The following PLEKHA7 variants were observed in gnomAD, a reference collection of about 807,000 sequenced individuals.
The protein encoded by PLEKHA7 is pleckstrin homology domain containing A7, also known as pleckstrin homology domain-containing family A member 7.
A neutral mutation model predicts 170.0 loss-of-function variants in PLEKHA7; 104 were observed. The ratio of observed to expected loss-of-function variants is 0.61; its 90% CI spans 0.52 to 0.72. The LOEUF (loss-of-function observed/expected upper bound fraction) is 0.72. Among genes scored for constraint, PLEKHA7 ranks in the 30% least tolerant of loss-of-function variants. The pLI, the probability that PLEKHA7 is intolerant of heterozygous loss-of-function variation, is 0.00. For missense variants in PLEKHA7, 1,615 were observed against 1,671.7 expected, an observed-to-expected ratio of 0.97 and a Z score of 0.59; for synonymous variants, 648 against 660.8, an observed-to-expected ratio of 0.98 and a Z score of 0.30.
chr11:16,983,613 T>C (rs960401824), intron 3 of PLEKHA7, among the ~76,000 whole-genome samples: 1 of 152,200 alleles, frequency 6.6e-6, no homozygotes, highest in African/African-American at 2.4e-5. Flanking sequence ...CTCCCCAGTC[T>C]AGATTTGTGG....
At chr11:16,861,040 C>G (rs956587372) in intron 4 of PLEKHA7, among the ~76,000 whole-genome samples, 3 of 152,224 alleles carry the variant, frequency 2.0e-5, no homozygotes, top group Non-Finnish European at 4.4e-5. Context: ...GAATTTAAAT[C>G]CCAGCTACAC....
intron 3 of PLEKHA7, among the ~76,000 whole-genome samples, chr11:16,914,419 C>T (rs1290079373): frequency 6.6e-6 from 1 of 152,232 alleles, no homozygotes; most frequent in Non-Finnish European, 1.5e-5. Flanking sequence ...CACTCAATCT[C>T]GTACTTGGCA....
At chr11:16,921,302 C>G (rs1472980855) in intron 3 of PLEKHA7, among the ~76,000 whole-genome samples, 8 of 152,142 alleles carry the variant, frequency 5.3e-5, no homozygotes, top group Admixed American at 4.6e-4. Flanking sequence ...CTAGCAACCT[C>G]TTTCTTAAAA....
chr11:16,906,948 G>A (rs1174562721), intron 3 of PLEKHA7, among the ~76,000 whole-genome samples: 1 of 149,540 alleles, frequency 6.7e-6, no homozygotes, highest in Non-Finnish European at 1.5e-5. Context: ...CCCCGTCTGG[G>A]ATGTGAGGAG....
chr11:16,814,786 T>A (rs922575547), intron 12 of PLEKHA7, among the ~76,000 whole-genome samples: 1 of 152,110 alleles, frequency 6.6e-6, no homozygotes, highest in African/African-American at 2.4e-5. Context: ...CAGGGCACCA[T>A]CCAGATAAGA....
chr11:16,810,283 T>C (rs1350542605), intron 13 of PLEKHA7, among the ~76,000 whole-genome samples: 1 of 152,216 alleles, frequency 6.6e-6, no homozygotes, highest in East Asian at 1.9e-4. Flanking sequence ...CCTTCCTTCA[T>C]CTGGATCTTG....
At chr11:16,857,632 T>G (rs557070079) in intron 4 of PLEKHA7, among the ~76,000 whole-genome samples, 167 of 152,384 alleles carry the variant, frequency 1.1e-3, no homozygotes, top group African/African-American at 4.0e-3. Flanking sequence ...GCTCTCAGGT[T>G]GCTTCAGTTA....
chr11:16,785,709 C>G (rs1849349664), intron 24 of PLEKHA7, among the ~76,000 whole-genome samples: 2 of 152,112 alleles, frequency 1.3e-5, no homozygotes, highest in Non-Finnish European at 2.9e-5. Flanking sequence ...CAGAGGGCAC[C>G]AGAAGAATTC....
chr11:16,991,572 G>A (rs575604935), intron 3 of PLEKHA7, among the ~76,000 whole-genome samples: 32 of 152,158 alleles, frequency 2.1e-4, no homozygotes. Context: ...CCAGACAGAG[G>A]GGACAGCAGT....
chr11:16,865,476 C>A (rs542786588), intron 4 of PLEKHA7, among the ~76,000 whole-genome samples: 1 of 152,166 alleles, frequency 6.6e-6, no homozygotes, highest in Non-Finnish European at 1.5e-5. Context: ...ATAATCCCAG[C>A]GCTTTGGGAG....
At chr11:16,992,372 G>A (rs916753608) in intron 3 of PLEKHA7, among the ~76,000 whole-genome samples, 1 of 152,208 alleles carries the variant, frequency 6.6e-6, no homozygotes, top group Non-Finnish European at 1.5e-5. Context: ...ACTACCTCCT[G>A]TCTGTGGTCT....
In PLEKHA7 at chr11:16,826,282, T is replaced by A; in HGVS notation, c.1181A>T (p.Asn394Ile). 1 of 1,614,244 alleles carries A rather than the reference T, an allele frequency of 6.2e-7. No individual in the cohort carries two copies. Among genetic ancestry groups the A allele is most frequent in the South Asian group, 1.1e-5 (1 of 91,088 alleles). ...QQAQPQRAEK[N>I]GMLPASYGPG... ...GCCATATGAGGCAGGCAGCATTCCA[T>A]TCTTCTCTGCCCGTTGGGGCTGTGC... The change falls in exon 10 of 27, where the codon AAT becomes ATT. Residue 394 changes from asparagine to isoleucine, a missense_variant. Physicochemically the swap from Asn to Ile is moderately radical, Grantham distance 149. Transcript: ENST00000531066.
At chr11:16,906,285 AAG>A (rs1236746567) in intron 3 of PLEKHA7, among the ~76,000 whole-genome samples, 1 of 111,236 alleles carries the variant, frequency 9.0e-6, no homozygotes, top group East Asian at 2.2e-4. Flanking sequence ...GAAGGAAAGA[AAG>A]AAAATTGGAA....
chr11:16,847,703 G>C (rs1023995633), intron 8 of PLEKHA7, among the ~76,000 whole-genome samples: 3 of 152,026 alleles, frequency 2.0e-5, no homozygotes, highest in African/African-American at 7.2e-5. Flanking sequence ...TTAGCTGGGC[G>C]CAGTGGCAGG....
chr11:16,951,354 CGAT>C (rs546242016), intron 3 of PLEKHA7, among the ~76,000 whole-genome samples: 1 of 150,778 alleles, frequency 6.6e-6, no homozygotes, highest in Non-Finnish European at 1.5e-5. Flanking sequence ...GACATCATGA[CGAT>C]GATGATGATG....
At chr11:16,904,017 T>C (rs1255273867) in intron 3 of PLEKHA7, among the ~76,000 whole-genome samples, 1 of 152,198 alleles carries the variant, frequency 6.6e-6, no homozygotes, top group East Asian at 1.9e-4. Context: ...ATCACTATCT[T>C]TCCCTCAGAT....
At position 16,987,302 on chromosome 11, in the gene PLEKHA7, GC is replaced by G. The variant is rs1863795657; in HGVS notation, c.221+26686del. Among the ~76,000 whole-genome samples, 3 of 128,914 alleles carry G rather than the reference GC, an allele frequency of 2.3e-5. No homozygotes were observed. In the Admixed American group the frequency reaches 2.7e-4, roughly 12 times the overall value. 84.6% of individuals were successfully genotyped at this position (128,914 alleles called of 152,430 possible). A position where few individuals can be genotyped will look rare whatever the true frequency, so the allele number is the denominator to read the frequency against. ...TGGTGGCCAGCCAAGGCCTGGCTCC[GC>G]CCCCCAGAAGCCAGCTAGGCCAACC... On this transcript the variant is annotated intron_variant, in intron 3 of 26. Coordinates refer to ENST00000531066, the MANE Select transcript of PLEKHA7 (RefSeq NM_001329630.2).
At chr11:16,885,188 G>C (rs1050073522) in intron 3 of PLEKHA7, among the ~76,000 whole-genome samples, 2 of 152,084 alleles carry the variant, frequency 1.3e-5, no homozygotes, top group East Asian at 1.9e-4. Flanking sequence ...AAATTATCCA[G>C]GTGTGGTGGC....
intron 3 of PLEKHA7, among the ~76,000 whole-genome samples, chr11:17,002,493 C>A (rs1864725840): frequency 6.6e-6 from 1 of 151,990 alleles, no homozygotes; most frequent in Non-Finnish European, 1.5e-5. Context: ...AATTTGGAGC[C>A]AAGAAGACTT....
Sources: allele counts gnomAD v4.1 joint callset (sites outside exome capture counted in the v4.1 genomes callset), GRCh38; gene constraint gnomAD v4.1.1; transcripts MANE v1.5; gene names NCBI Gene and HGNC (gene_info 2026-07-23, HGNC 2026-07-21).